Variants in MSRB1 observed in about 807,000 individuals in gnomAD.
The protein encoded by MSRB1 is methionine sulfoxide reductase B1.
In MSRB1, 13 loss-of-function variants were observed where a neutral mutation model predicts 15.2. The observed-to-expected ratio is 0.86, with a 90% CI of 0.56 to 1.36. The LOEUF (loss-of-function observed/expected upper bound fraction) is 1.36. Among genes scored for constraint, MSRB1 ranks in the 40% most tolerant of loss-of-function variants. MSRB1 has a pLI of 0.00. For synonymous variants in MSRB1, 68 were observed against 64.5 expected (o/e 1.05, Z -0.26); for missense variants, 174 against 155.9 (o/e 1.12, Z -0.62).
chr16:1,943,196 G>C lies in MSRB1; in HGVS notation c.-40C>G, dbSNP rs1368977750. On this transcript the variant is annotated 5_prime_UTR_variant, in exon 1 of 4. Transcript: ENST00000361871. ...CGCAGCGCGCTTGCCGCTGCCAACT[G>C]ACCAAAGGCTGCCGACCCGACGACC... The C allele has an allele frequency of 6.5e-7, 1 of 1,549,272 alleles. No individual in the cohort carries two copies. Among genetic ancestry groups the C allele is most frequent in the Non-Finnish European group, 8.7e-7 (1 of 1,146,742 alleles).
chr16:1,938,274 C>T lies in MSRB1; in HGVS notation c.*838G>A, dbSNP rs1022116723. 6.6e-6 allele frequency: 1 copy of T among 152,222 alleles called. No homozygotes were observed. Among genetic ancestry groups the T allele is most frequent in the African/African-American group, 2.4e-5 (1 of 41,458 alleles). The allele number at this position is 152,222 out of a possible 1,614,324, so 9.4% of individuals were successfully genotyped here. On this transcript the variant is annotated 3_prime_UTR_variant, in exon 4 of 4. Coordinates refer to ENST00000361871, the MANE Select transcript of MSRB1 (RefSeq NM_016332.4). ...GTCTATGGATTTCCACCTGATTACT[C>T]CAGAAAGTAATTACTTAAGATGGGG...
chr16:1,938,432 G>A lies in MSRB1; in HGVS notation c.*680C>T, dbSNP rs1419030435. 1 of 154,278 alleles carries A rather than the reference G, an allele frequency of 6.5e-6. No homozygotes were observed. The highest frequency in any genetic ancestry group is 1.4e-5 in the Non-Finnish European group (1 of 69,190). The allele number at this position is 154,278 out of a possible 1,614,324, so 9.6% of individuals were successfully genotyped here. On this transcript the variant is annotated 3_prime_UTR_variant, in exon 4 of 4. Transcript: ENST00000361871. ...AGGCCTCAGCCCTGTGCTGGTTAGA[G>A]TTATGGAGCAACAGCCGCTTTCCTA...
intron 3 of MSRB1, among the ~76,000 whole-genome samples, chr16:1,940,125 A>T (rs1485578813): frequency 6.6e-6 from 1 of 151,698 alleles, no homozygotes; most frequent in Non-Finnish European, 1.5e-5. Flanking sequence ...TACAAAAATT[A>T]GCTGGGCGTG....
At position 1,938,931 on chromosome 16, in the gene MSRB1, G is replaced by C; in HGVS notation, c.*181C>G. The C allele has an allele frequency of 1.2e-6, 1 of 819,752 alleles. No individual in the cohort carries two copies. The highest frequency in any genetic ancestry group is 1.7e-5 in the African/African-American group (1 of 58,094). 50.8% of individuals were successfully genotyped at this position (819,752 alleles called of 1,614,324 possible). A position where few individuals can be genotyped will look rare whatever the true frequency, so the allele number is the denominator to read the frequency against. ...CAGAAGGCATGAACCATCAGCAAAT[G>C]AGTCTCTTTTCCAAGAAACGAAAAG... On this transcript the variant is annotated 3_prime_UTR_variant, in exon 4 of 4. Transcript: ENST00000361871.
rs1023353871 is a variant in MSRB1 at position 1,939,091 on chromosome 16, G to C, written c.*21C>G. 6.2e-7 allele frequency: 1 copy of C among 1,613,006 alleles called. No individual in the cohort carries two copies. Among genetic ancestry groups the C allele is most frequent in the Non-Finnish European group, 8.5e-7 (1 of 1,179,692 alleles). ...GTGGCCTCAGTGTGGTGGCCGTCTG[G>C]GGTGGGTGTGGGCTGCCCGCCTAGT... On this transcript the variant is annotated 3_prime_UTR_variant, in exon 4 of 4. Coordinates refer to ENST00000361871, the MANE Select transcript of MSRB1 (RefSeq NM_016332.4).
chr16:1,940,277 A>G (rs1274262871), intron 3 of MSRB1, among the ~76,000 whole-genome samples: 3 of 152,062 alleles, frequency 2.0e-5, no homozygotes, highest in Non-Finnish European at 4.4e-5. Flanking sequence ...TCTCAGAAAA[A>G]AAAAAAAAAA....
Position 1,943,167 on chromosome 16 carries a change from G to C in MSRB1, c.-11C>G. ...GCTGCAGAACGACATGGCGCCACCG[G>C]AACCGCAGCGCGCTTGCCGCTGCCA... is the stretch of plus-strand genomic sequence containing the variant. On this transcript the variant is annotated 5_prime_UTR_variant, in exon 1 of 4. Transcript: ENST00000361871. The C allele has an allele frequency of 6.4e-7, 1 of 1,556,448 alleles. No individual in the cohort carries two copies. Among genetic ancestry groups the C allele is most frequent in the Non-Finnish European group, 8.7e-7 (1 of 1,150,158 alleles).
chr16:1,938,980 G>A lies in MSRB1; in HGVS notation c.*132C>T, dbSNP rs1476746434. On this transcript the variant is annotated 3_prime_UTR_variant, in exon 4 of 4. Transcript: ENST00000361871. Reference sequence around the variant, plus strand: ...AGGTCTTGTTCAGAGCCGGGGCCTTGGGAGTGTCCTGATGTTTCAACCACT... The same window carrying A: ...AGGTCTTGTTCAGAGCCGGGGCCTTAGGAGTGTCCTGATGTTTCAACCACT... 3 of 1,169,064 alleles carry A rather than the reference G, an allele frequency of 2.6e-6. No homozygotes were observed. Among genetic ancestry groups the A allele is most frequent in the Non-Finnish European group, 3.7e-6 (3 of 801,902 alleles). The allele number at this position is 1,169,064 out of a possible 1,614,324, so 72.4% of individuals were successfully genotyped here.
rs1012085978 is a variant in MSRB1 at position 1,941,624 on chromosome 16, A to G, written c.56-219T>C. 5 of 611,860 alleles carry G rather than the reference A, an allele frequency of 8.2e-6. No homozygotes were observed. The African/African-American group carries it at 9.2e-5, about 11-fold the overall frequency. 37.9% of individuals were successfully genotyped at this position (611,860 alleles called of 1,614,324 possible). ...GTCACCTTTCACAATTATCTCCTTG[A>G]TTCTTCTCATAGCCCCGTGACGGGG... On this transcript the variant is annotated intron_variant, in intron 1 of 3. Transcript: ENST00000361871.
chr16:1,940,133 G>A lies in MSRB1; in HGVS notation c.319+645C>T, dbSNP rs569515784. On this transcript the variant is annotated intron_variant, in intron 3 of 3. Coordinates refer to ENST00000361871, the MANE Select transcript of MSRB1 (RefSeq NM_016332.4). Reference sequence around the variant, plus strand: ...CTAAAAATACAAAAATTAGCTGGGCGTGGTGATGCGTGCCTGCAATCCCAG... The same window carrying A: ...CTAAAAATACAAAAATTAGCTGGGCATGGTGATGCGTGCCTGCAATCCCAG... 1.5e-4 allele frequency among the ~76,000 whole-genome samples: 23 copies of A among 152,148 alleles called. No homozygotes were observed. The East Asian group carries it at 4.1e-3, about 27-fold the overall frequency.
At chr16:1,940,936 A>G (rs1236127168) in intron 2 of MSRB1, 44 bp from the exon 3 acceptor site, 3 of 1,612,958 alleles carry the variant, frequency 1.9e-6, no homozygotes, top group Non-Finnish European at 1.7e-6. Context: ...TGGCCATGAT[A>G]CAGCCACAGT....
rs754028633 is a variant in MSRB1 at position 1,940,878 on chromosome 16, C to T, written c.219G>A (p.Lys73=). The T allele has an allele frequency of 6.2e-7, 1 of 1,614,208 alleles. No homozygotes were observed. The highest frequency in any genetic ancestry group is 8.5e-7 in the Non-Finnish European group (1 of 1,180,052). Residue 73 remains lysine, a synonymous_variant, in exon 3 of 4, where the codon AAG becomes AAA. Transcript: ENST00000361871. ...RSEALKVSCG[K]CGNGLGHEFL... Reference sequence around the variant, plus strand: ...ACTCGTGGCCCAACCCATTGCCACACTTGCCACAGGACACCTGGAAAGATC... The same window carrying T: ...ACTCGTGGCCCAACCCATTGCCACATTTGCCACAGGACACCTGGAAAGATC...
At chr16:1,941,767 T>G in intron 1 of MSRB1, 15 of 241,324 alleles carry the variant, frequency 6.2e-5, no homozygotes, top group Non-Finnish European at 9.9e-5. Context: ...GCCCCCCTAG[T>G]TCCCCCAGGA....
intron 3 of MSRB1, among the ~76,000 whole-genome samples, chr16:1,939,575 G>A (rs926569114): frequency 1.1e-4 from 16 of 152,232 alleles, no homozygotes; most frequent in Non-Finnish European, 1.3e-4. Context: ...GCTCAAGCCT[G>A]TAATCCCAGC....
chr16:1,941,579 A>T, intron 1 of MSRB1, 174 bp from the exon 2 acceptor site: 3 of 828,466 alleles, frequency 3.6e-6, no homozygotes, highest in South Asian at 3.7e-5. Context: ...CGTTTAGTAG[A>T]TGTGCCAGAG....
chr16:1,940,941 CA>C (rs754189391), intron 2 of MSRB1, 49 bp from the exon 3 acceptor site: 1 of 1,612,500 alleles, frequency 6.2e-7, no homozygotes, highest in Non-Finnish European at 8.5e-7. Flanking sequence ...ATGATACAGC[CA>C]CAGTGAAGGC....
intron 3 of MSRB1, 123 bp downstream of exon 3, chr16:1,940,655 C>A (rs2083070544): frequency 2.4e-6 from 3 of 1,229,554 alleles, no homozygotes; most frequent in Non-Finnish European, 2.2e-6. Flanking sequence ...GGACAGTTCC[C>A]AGGCAGCGTG....
Position 1,943,094 on chromosome 16 carries a change from G to A in MSRB1, c.55+8C>T. The A allele has an allele frequency of 6.4e-7, 1 of 1,555,960 alleles. No homozygotes were observed. ...GCTGCCCTCCCAGCGAGAGGCCGCA[G>A]GACCAACCAGGTTCAAAGTGATTCT... On this transcript the variant is annotated splice_region_variant and intron_variant, in intron 1 of 3. Coordinates refer to ENST00000361871, the MANE Select transcript of MSRB1 (RefSeq NM_016332.4).
intron 3 of MSRB1, 130 bp downstream of exon 3, chr16:1,940,648 C>G (rs148108125): frequency 8.6e-6 from 10 of 1,160,300 alleles, no homozygotes; most frequent in African/African-American, 3.1e-5. Context: ...GGATCCTGGA[C>G]AGTTCCCAGG....
Sources: allele counts gnomAD v4.1 joint callset (sites outside exome capture counted in the v4.1 genomes callset), GRCh38; gene constraint gnomAD v4.1.1; transcripts MANE v1.5; gene names NCBI Gene and HGNC (gene_info 2026-07-23, HGNC 2026-07-21).